The following TCF7L2 variants were observed in gnomAD, a reference collection of about 807,000 sequenced individuals.
TCF7L2 encodes transcription factor 7 like 2, also known as transcription factor 7-like 2.
In TCF7L2, 23 loss-of-function variants were observed where a neutral mutation model predicts 77.9. The observed-to-expected ratio is 0.30, with a 90% CI of 0.21 to 0.42. The LOEUF is 0.42. Among genes scored for constraint, TCF7L2 ranks in the 10% least tolerant of loss-of-function variants. The pLI, the probability that TCF7L2 is intolerant of heterozygous loss-of-function variation, is 1.00. For synonymous variants in TCF7L2, 413 were observed against 340.2 expected (o/e 1.21, Z -2.36); for missense variants, 654 against 793.1 (o/e 0.82, Z 2.11).
Position 113,151,253 on chromosome 10 carries a change from T to C in TCF7L2, c.1001+130T>C. Reference sequence around the variant, plus strand: ...TTGACTGCAGCCAATACCCAGCCTGTGTGGGCTCTTCACTCCCTTACAAAG... The same window carrying C: ...TTGACTGCAGCCAATACCCAGCCTGCGTGGGCTCTTCACTCCCTTACAAAG... On this transcript the variant is annotated intron_variant, in intron 9 of 13. Transcript: ENST00000627217. This position sits in a 1 kb window ranked among gnomAD's most constrained non-coding sequence, Gnocchi z 5.2. 8.1e-7 allele frequency: 1 copy of C among 1,230,698 alleles called. No individual in the cohort carries two copies. Among genetic ancestry groups the C allele is most frequent in the Non-Finnish European group, 1.2e-6 (1 of 868,280 alleles). The allele number at this position is 1,230,698 out of a possible 1,614,324, so 76.2% of individuals were successfully genotyped here.
chr10:113,111,472 TTCC>T (rs1345236800), intron 5 of TCF7L2, among the ~76,000 whole-genome samples: 2 of 152,178 alleles, frequency 1.3e-5, no homozygotes, highest in African/African-American at 4.8e-5. Context: ...GCAGCAATAA[TTCC>T]TCCTCCTCAT....
rs552039208 is a variant in TCF7L2 at position 112,980,507 on chromosome 10, G to A, written c.450+15883G>A. Among the ~76,000 whole-genome samples, 12 of 152,176 alleles carry A rather than the reference G, an allele frequency of 7.9e-5. No homozygotes were observed. In the East Asian group the frequency reaches 2.1e-3, roughly 27 times the overall value. On this transcript the variant is annotated intron_variant, in intron 4 of 13. Transcript: ENST00000627217. Reference sequence around the variant, plus strand: ...ATCAGACTCAATTCAGGAGTGTTCCGGGAGTCACGAAGTTCGGAACTAGAT... The same window carrying A: ...ATCAGACTCAATTCAGGAGTGTTCCAGGAGTCACGAAGTTCGGAACTAGAT...
chr10:113,036,599 AC>A, intron 4 of TCF7L2, among the ~76,000 whole-genome samples: 1 of 151,960 alleles, frequency 6.6e-6, no homozygotes, highest in East Asian at 1.9e-4. Flanking sequence ...TTGGGGAAAA[AC>A]CCTAATGGGC....
At chr10:112,951,152 C>A (rs1227282968) in intron 1 of TCF7L2, 55 bp from the exon 2 acceptor site, 9 of 1,481,290 alleles carry the variant, frequency 6.1e-6, no homozygotes, top group African/African-American at 1.4e-5. Flanking sequence ...CCCCCTTCTC[C>A]CCCTTCTGCG....
At chr10:113,117,433 C>T (rs1004821803) in intron 5 of TCF7L2, among the ~76,000 whole-genome samples, 1 of 35,016 alleles carries the variant, frequency 2.9e-5, no homozygotes. Flanking sequence ...CTCTCTCTCT[C>T]CCTCTCTCTC....
At chr10:113,018,444 CTTTTTT>C (rs35916053) in intron 4 of TCF7L2, among the ~76,000 whole-genome samples, 1 of 92,548 alleles carries the variant, frequency 1.1e-5, no homozygotes, top group African/African-American at 5.0e-5. Context: ...CTCCTGAGTC[CTTTTTT>C]TTTTTTTTTT....
intron 5 of TCF7L2, chr10:113,126,781 T>A: frequency 1.0e-6 from 1 of 984,984 alleles, no homozygotes; most frequent in Non-Finnish European, 1.2e-6. Flanking sequence ...TGCCCTCCAG[T>A]GGAGCCCGCG....
At chr10:113,112,449 T>C (rs2063255037) in intron 5 of TCF7L2, among the ~76,000 whole-genome samples, 1 of 152,206 alleles carries the variant, frequency 6.6e-6, no homozygotes, top group Non-Finnish European at 1.5e-5. Flanking sequence ...CTGGCAAGGC[T>C]CAGAAGGACT....
intron 5 of TCF7L2, among the ~76,000 whole-genome samples, chr10:113,069,132 C>T (rs1472690598): frequency 2.7e-5 from 4 of 150,676 alleles, no homozygotes; most frequent in East Asian, 2.0e-4. Context: ...TGGAGGGGCC[C>T]GGGATGGGGT....
At chr10:113,043,698 C>T (rs1218991161) in intron 5 of TCF7L2, among the ~76,000 whole-genome samples, 2 of 152,106 alleles carry the variant, frequency 1.3e-5, no homozygotes, top group Non-Finnish European at 2.9e-5. Flanking sequence ...CCTCCCCAGT[C>T]CTATTTTCGC....
At chr10:113,142,874 C>G (rs1001835248) in intron 6 of TCF7L2, among the ~76,000 whole-genome samples, 9 of 152,162 alleles carry the variant, frequency 5.9e-5, no homozygotes, top group African/African-American at 1.9e-4. Flanking sequence ...GCAAATGGCT[C>G]GATGTAGGGT....
intron 5 of TCF7L2, among the ~76,000 whole-genome samples, chr10:113,116,413 G>C (rs934179160): frequency 3.3e-5 from 5 of 152,082 alleles, no homozygotes; most frequent in African/African-American, 9.7e-5. Flanking sequence ...TTCCCTTGTA[G>C]TGTAATAGTG....
rs115281766 is a variant in TCF7L2 at position 113,147,288 on chromosome 10, C to T, written c.875+1191C>T. The stretch of plus-strand genomic sequence containing the variant: ...CAGTCCCTGTGGCCAACATGGGAAG[C>T]CAAGACCAGAGAAGGGCCTGGAAAG... On this transcript the variant is annotated intron_variant, in intron 8 of 13. Coordinates refer to ENST00000627217, the MANE Select transcript of TCF7L2 (RefSeq NM_001146274.2). 8.7e-3 allele frequency among the ~76,000 whole-genome samples: 1,319 copies of T among 152,272 alleles called. 21 individuals are homozygous for T. The highest frequency in any genetic ancestry group is 0.03 in the African/African-American group (1,229 of 41,536).
At position 113,040,488 on chromosome 10, in the gene TCF7L2, G is replaced by T. The variant is rs1036783299; in HGVS notation, c.552+362G>T. ...CAGGGCAGGTGAAGTGAAGAAGAGGGAATTAGAAAACTCAAAAGGGGGTCC... is the reference window on the plus strand; with the variant it reads ...CAGGGCAGGTGAAGTGAAGAAGAGGTAATTAGAAAACTCAAAAGGGGGTCC... On this transcript the variant is annotated intron_variant, in intron 5 of 13. Transcript: ENST00000627217. Among the ~76,000 whole-genome samples the T allele has an allele frequency of 3.3e-5, 5 of 152,116 alleles. No homozygotes were observed. The East Asian group carries it at 9.7e-4, about 29-fold the overall frequency.
At chr10:113,061,566 G>A (rs1348755334) in intron 5 of TCF7L2, among the ~76,000 whole-genome samples, 5 of 152,182 alleles carry the variant, frequency 3.3e-5, no homozygotes, top group African/African-American at 1.2e-4. Context: ...GAGAAAGGGT[G>A]CAGATCACAC....
intron 5 of TCF7L2, among the ~76,000 whole-genome samples, chr10:113,064,873 A>G (rs2057031193): frequency 6.6e-6 from 1 of 152,242 alleles, no homozygotes; most frequent in Non-Finnish European, 1.5e-5. Context: ...CAGCTGAAGC[A>G]CAAGTGTCTA....
chr10:113,109,069 G>A (rs1032343478), intron 5 of TCF7L2, among the ~76,000 whole-genome samples: 21 of 152,122 alleles, frequency 1.4e-4, no homozygotes, highest in African/African-American at 1.2e-4. Flanking sequence ...ACAAACACAC[G>A]CGCGTGCACA....
intron 4 of TCF7L2, among the ~76,000 whole-genome samples, chr10:113,020,532 T>G (rs1239792608): frequency 6.6e-6 from 1 of 152,166 alleles, no homozygotes; most frequent in Non-Finnish European, 1.5e-5. Context: ...TGATGGAGTG[T>G]GCTTTGCTGA....
rs137909932 is a variant in TCF7L2, at chr10:112,965,607, T to A, written c.450+983T>A. ...TTTTCTGGGCAAGAGCCCTTGCAGATAACTTGTCTGTGTGTGTGTATATGT... is the reference window on the plus strand; with the variant it reads ...TTTTCTGGGCAAGAGCCCTTGCAGAAAACTTGTCTGTGTGTGTGTATATGT... On this transcript the variant is annotated intron_variant, in intron 4 of 13. Transcript: ENST00000627217. 3.9e-3 allele frequency among the ~76,000 whole-genome samples: 586 copies of A among 150,864 alleles called. 4 individuals carry two copies. The highest frequency in any genetic ancestry group is 0.014 in the African/African-American group (555 of 40,988).
Sources: gnomAD v4.1 joint callset for allele counts (sites outside exome capture counted in the v4.1 genomes callset) on GRCh38, gnomAD v4.1.1 for gene constraint, Gnocchi (gnomAD v3.1) non-coding constraint, MANE v1.5 for transcripts, NCBI Gene and HGNC (gene_info 2026-07-23, HGNC 2026-07-21) for gene names.